GRM5: variants seen among roughly 807,000 people sequenced by gnomAD.
GRM5 encodes the protein metabotropic glutamate receptor 5.
GRM5 carries 19 observed loss-of-function variants against 83.1 expected under a neutral mutation model. The observed-to-expected ratio is 0.23, with a 90% confidence interval of 0.16 to 0.34. The LOEUF is 0.34. Among genes scored for constraint, GRM5 ranks in the 10% least tolerant of loss-of-function variants. GRM5 has a pLI of 1.00. For synonymous variants in GRM5, 675 were observed against 633.6 expected (o/e 1.07, Z -0.98); for missense variants, 1,160 against 1,588.3 (o/e 0.73, Z 4.58).
intron 3 of GRM5, among the ~76,000 whole-genome samples, chr11:88,792,982 C>T (rs139714615): frequency 9.9e-5 from 15 of 152,064 alleles, no homozygotes; most frequent in African/African-American, 9.6e-5. Context: ...TAGAGTAAGA[C>T]GGGCCTTGTA....
At chr11:88,842,177 T>G (rs888075243) in intron 3 of GRM5, among the ~76,000 whole-genome samples, 2 of 152,212 alleles carry the variant, frequency 1.3e-5, no homozygotes, top group Admixed American at 1.3e-4. Flanking sequence ...AAATATTACA[T>G]TCATTTATCA....
chr11:88,552,581 T>G (rs1244084207), intron 8 of GRM5, among the ~76,000 whole-genome samples: 1 of 152,098 alleles, frequency 6.6e-6, no homozygotes, highest in African/African-American at 2.4e-5. Context: ...GCTTTCTCAC[T>G]GGAGTTGCCC....
chr11:88,784,090 A>G (rs1943023096), intron 3 of GRM5, among the ~76,000 whole-genome samples: 1 of 152,010 alleles, frequency 6.6e-6, no homozygotes, highest in Admixed American at 6.6e-5. Context: ...CTATACCACC[A>G]TGGCCATAAT....
chr11:89,060,484 A>G lies in GRM5; in HGVS notation c.-201+5292T>C, dbSNP rs146116543. Among the ~76,000 whole-genome samples, 1,291 of 152,266 alleles carry G rather than the reference A, an allele frequency of 8.5e-3. 13 individuals carry two copies. The highest frequency in any genetic ancestry group is 0.03 in the African/African-American group (1,241 of 41,564). On this transcript the variant is annotated intron_variant, in intron 1 of 9. Coordinates refer to ENST00000305447, the MANE Select transcript of GRM5 (RefSeq NM_001143831.3). ...CAGTAGAATAAAAAACGTAGTTTTT[A>G]TAACTGAAAAGGAAAAACAAATAAT...
At chr11:88,704,121 C>T (rs1338400445) in intron 3 of GRM5, among the ~76,000 whole-genome samples, 1 of 151,984 alleles carries the variant, frequency 6.6e-6, no homozygotes, top group Non-Finnish European at 1.5e-5. Context: ...GTCTCTTTCT[C>T]TTTCTATAAG....
At chr11:88,756,512 T>C (rs1942396542) in intron 3 of GRM5, among the ~76,000 whole-genome samples, 1 of 152,128 alleles carries the variant, frequency 6.6e-6, no homozygotes, top group African/African-American at 2.4e-5. Flanking sequence ...AAATATAAAG[T>C]CGAATTAATA....
intron 2 of GRM5, among the ~76,000 whole-genome samples, chr11:88,879,643 T>G (rs188630027): frequency 6.4e-4 from 97 of 152,152 alleles, no homozygotes; most frequent in Admixed American, 2.9e-3. Context: ...TTCATCACCT[T>G]TCTGTATTTA....
Position 88,646,497 on chromosome 11 carries a change from A to T in GRM5, c.1147+6671T>A, listed in dbSNP as rs1006248688. ...TTAAGTTTTTAAATGCTTAGAAGGA[A>T]AACAAAAATTAACAAGGCTACAAAC... is the stretch of plus-strand genomic sequence containing the variant. On this transcript the variant is annotated intron_variant, in intron 4 of 9. Transcript: ENST00000305447. Among the ~76,000 whole-genome samples, 8 of 26,442 alleles carry T rather than the reference A, an allele frequency of 3.0e-4. No individual in the cohort carries two copies. The Non-Finnish European group carries it at 9.0e-3, about 30-fold the overall frequency. 17.3% of individuals were successfully genotyped at this position (26,442 alleles called of 152,430 possible).
At chr11:88,772,301 T>C (rs1358364658) in intron 3 of GRM5, among the ~76,000 whole-genome samples, 1 of 152,134 alleles carries the variant, frequency 6.6e-6, no homozygotes, top group Non-Finnish European at 1.5e-5. Context: ...CAAATACACA[T>C]GAAGGCAGTA....
At chr11:89,053,336 TA>T (rs1191591756) in intron 1 of GRM5, among the ~76,000 whole-genome samples, 1 of 152,088 alleles carries the variant, frequency 6.6e-6, no homozygotes, top group South Asian at 2.1e-4. Context: ...AATACACTTT[TA>T]AAAAAATCAT....
chr11:88,631,953 G>C (rs528229339), intron 4 of GRM5, among the ~76,000 whole-genome samples: 91 of 152,230 alleles, frequency 6.0e-4, no homozygotes, highest in Admixed American at 1.8e-3. Context: ...AGGACAAATA[G>C]ATATTTGTCC....
At chr11:88,621,192 T>G (rs2135256498) in intron 4 of GRM5, among the ~76,000 whole-genome samples, 1 of 152,336 alleles carries the variant, frequency 6.6e-6, no homozygotes, top group South Asian at 2.1e-4. Context: ...TAGAGTCTTC[T>G]TACTATACTA....
intron 2 of GRM5, among the ~76,000 whole-genome samples, chr11:88,870,825 GAA>G (rs1478478819): frequency 6.6e-6 from 1 of 151,508 alleles, no homozygotes; most frequent in Non-Finnish European, 1.5e-5. Flanking sequence ...GAAACTGAGT[GAA>G]GAGAAAGAAC....
intron 2 of GRM5, among the ~76,000 whole-genome samples, chr11:88,933,647 C>A (rs531654896): frequency 7.2e-5 from 11 of 151,898 alleles, no homozygotes; most frequent in African/African-American, 2.2e-4. Context: ...TAACACCACA[C>A]AATTGCATAA....
intron 2 of GRM5, among the ~76,000 whole-genome samples, chr11:89,044,780 C>G (rs1941609121): frequency 6.6e-6 from 1 of 151,252 alleles, no homozygotes. Context: ...GAGGAAGAGA[C>G]TGGATGATAA....
chr11:88,965,600 G>A (rs1219083463), intron 2 of GRM5, among the ~76,000 whole-genome samples: 1 of 152,112 alleles, frequency 6.6e-6, no homozygotes, highest in South Asian at 2.1e-4. Flanking sequence ...ACAAAGGAAA[G>A]CTGGAGTAGC....
chr11:88,854,365 T>C (rs1165700387), intron 2 of GRM5, among the ~76,000 whole-genome samples: 1 of 151,894 alleles, frequency 6.6e-6, no homozygotes, highest in Non-Finnish European at 1.5e-5. Flanking sequence ...ATATTTCACT[T>C]AAAACATGAA....
At chr11:89,029,286 T>A (rs1045230885) in intron 2 of GRM5, among the ~76,000 whole-genome samples, 30 of 152,308 alleles carry the variant, frequency 2.0e-4, no homozygotes, top group African/African-American at 7.2e-4. Context: ...GAAACACTGT[T>A]AAAAAATTTT....
chr11:88,908,275 T>TA (rs2135603825), intron 2 of GRM5, among the ~76,000 whole-genome samples: 1 of 152,286 alleles, frequency 6.6e-6, no homozygotes, highest in African/African-American at 2.4e-5. Context: ...GTATTGCTCC[T>TA]AAAAATCTAT....
Sources: allele counts gnomAD v4.1 joint callset (sites outside exome capture counted in the v4.1 genomes callset), GRCh38; gene constraint gnomAD v4.1.1; transcripts MANE v1.5; gene names NCBI Gene and HGNC (gene_info 2026-07-23, HGNC 2026-07-21).